The following TRPC4 variants were observed in gnomAD, a reference collection of about 807,000 sequenced individuals.
The protein encoded by TRPC4 is short transient receptor potential channel 4.
In TRPC4, 49 loss-of-function variants were observed where a neutral mutation model predicts 99.4. The ratio of observed to expected loss-of-function variants is 0.49; its 90% confidence interval spans 0.39 to 0.63. The LOEUF (loss-of-function observed/expected upper bound fraction) is 0.63, where lower values mean the gene tolerates loss of function less well. Ranked by LOEUF, TRPC4 falls within the 20% of genes least tolerant of loss-of-function variation. The pLI, the probability that TRPC4 is intolerant of heterozygous loss-of-function variation, is 0.00. For missense variants in TRPC4, 898 were observed against 1,152.9 expected (o/e 0.78, Z 3.20); for synonymous variants, 454 against 425.9 (o/e 1.07, Z -0.81).
At position 37,760,650 on chromosome 13, in the gene TRPC4, G is replaced by A. The variant is rs74047156; in HGVS notation, c.379-14195C>T. Reference sequence around the variant, plus strand: ...GGCCCACAGGCTGTATGTGGCCCAGGACAGCTTTGAATGCAGCCCAACACA... The same window carrying A: ...GGCCCACAGGCTGTATGTGGCCCAGAACAGCTTTGAATGCAGCCCAACACA... On this transcript the variant is annotated intron_variant, in intron 2 of 10. Transcript: ENST00000379705. Among the ~76,000 whole-genome samples, 1,236 of 152,020 alleles carry A rather than the reference G, an allele frequency of 8.1e-3. 19 individuals are homozygous for A. The highest frequency in any genetic ancestry group is 0.028 in the African/African-American group (1,169 of 41,508).
chr13:37,730,567 A>G (rs756947510), intron 3 of TRPC4, among the ~76,000 whole-genome samples: 1 of 151,928 alleles, frequency 6.6e-6, no homozygotes, highest in Non-Finnish European at 1.5e-5. Context: ...TTCCATTTAT[A>G]TTATCAAAGC....
chr13:37,735,708 C>G (rs1183316353), intron 3 of TRPC4, among the ~76,000 whole-genome samples: 1 of 152,122 alleles, frequency 6.6e-6, no homozygotes, highest in Admixed American at 6.6e-5. Flanking sequence ...AAGATATTAT[C>G]ATTAGCCTAA....
intron 6 of TRPC4, among the ~76,000 whole-genome samples, chr13:37,655,826 G>T (rs1393831281): frequency 6.6e-6 from 1 of 152,070 alleles, no homozygotes; most frequent in Non-Finnish European, 1.5e-5. Flanking sequence ...CCTTTTCATA[G>T]AACATTTGTC....
intron 2 of TRPC4, among the ~76,000 whole-genome samples, chr13:37,750,692 AG>A (rs1226818416): frequency 2.0e-5 from 3 of 152,118 alleles, no homozygotes; most frequent in Admixed American, 2.0e-4. Context: ...GTACATGTGC[AG>A]AATGTGCAGG....
intron 2 of TRPC4, among the ~76,000 whole-genome samples, chr13:37,769,141 T>C (rs1357906598): frequency 6.6e-6 from 1 of 151,450 alleles, no homozygotes; most frequent in Admixed American, 6.6e-5. Flanking sequence ...GTGAAAAAAC[T>C]ATAATCCACT....
intron 1 of TRPC4, among the ~76,000 whole-genome samples, chr13:37,818,594 A>G (rs1049852959): frequency 1.3e-5 from 2 of 152,212 alleles, no homozygotes; most frequent in Non-Finnish European, 2.9e-5. Flanking sequence ...AATATGGCAC[A>G]TATACACCAT....
At chr13:37,705,055 A>C (rs1405576266) in intron 3 of TRPC4, among the ~76,000 whole-genome samples, 3 of 152,232 alleles carry the variant, frequency 2.0e-5, no homozygotes, top group Non-Finnish European at 4.4e-5. Context: ...CTAACTGTCT[A>C]TCAATGTATC....
intron 3 of TRPC4, among the ~76,000 whole-genome samples, chr13:37,737,467 T>C (rs530628681): frequency 1.3e-5 from 2 of 152,200 alleles, no homozygotes; most frequent in South Asian, 4.1e-4. Flanking sequence ...TACTTATTTA[T>C]TTATTCTATT....
intron 1 of TRPC4, among the ~76,000 whole-genome samples, chr13:37,865,013 C>T (rs1538147): frequency 0.99 from 150,755 of 151,840 alleles, 74,846 homozygotes; most frequent in East Asian, 1. Context: ...TTAGTGATAA[C>T]TTTTGTAATG....
At chr13:37,830,327 T>C (rs1474230988) in intron 1 of TRPC4, among the ~76,000 whole-genome samples, 1 of 152,020 alleles carries the variant, frequency 6.6e-6, no homozygotes, top group Non-Finnish European at 1.5e-5. Context: ...TAGGAAAAAA[T>C]AAATAAAACA....
At chr13:37,835,297 A>G (rs2139610976) in intron 1 of TRPC4, among the ~76,000 whole-genome samples, 1 of 152,228 alleles carries the variant, frequency 6.6e-6, no homozygotes, top group East Asian at 1.9e-4. Context: ...GAGGGCGTTC[A>G]TTGTAAAATA....
chr13:37,824,417 G>C (rs1327201520), intron 1 of TRPC4, among the ~76,000 whole-genome samples: 1 of 151,856 alleles, frequency 6.6e-6, no homozygotes, highest in African/African-American at 2.4e-5. Flanking sequence ...GTTTGTCATA[G>C]ATAGCTCTTA....
chr13:37,711,042 G>A (rs1208947251), intron 3 of TRPC4, among the ~76,000 whole-genome samples: 1 of 151,948 alleles, frequency 6.6e-6, no homozygotes, highest in East Asian at 1.9e-4. Flanking sequence ...AAAGTCTACT[G>A]TTGTGAATAT....
chr13:37,799,764 G>T (rs1378874279), intron 1 of TRPC4, among the ~76,000 whole-genome samples: 1 of 152,158 alleles, frequency 6.6e-6, no homozygotes, highest in South Asian at 2.1e-4. Flanking sequence ...AACCCAAGAA[G>T]GTTCGATCTG....
chr13:37,679,316 A>G (rs1953159784), intron 4 of TRPC4, among the ~76,000 whole-genome samples: 1 of 152,194 alleles, frequency 6.6e-6, no homozygotes, highest in African/African-American at 2.4e-5. Context: ...TAGTGTTATA[A>G]CTTAATTTGA....
At chr13:37,680,793 G>A (rs1046650688) in intron 4 of TRPC4, among the ~76,000 whole-genome samples, 6 of 152,180 alleles carry the variant, frequency 3.9e-5, no homozygotes, top group Non-Finnish European at 8.8e-5. Context: ...TTCTAGCAGC[G>A]AGTGGAGACT....
chr13:37,647,788 G>T (rs1282265183), intron 8 of TRPC4, among the ~76,000 whole-genome samples: 1 of 152,108 alleles, frequency 6.6e-6, no homozygotes, highest in Non-Finnish European at 1.5e-5. Flanking sequence ...GTATCTCATT[G>T]TCTTTGTATG....
intron 8 of TRPC4, among the ~76,000 whole-genome samples, chr13:37,649,961 A>G (rs961470894): frequency 6.6e-6 from 1 of 152,106 alleles, no homozygotes; most frequent in Non-Finnish European, 1.5e-5. Flanking sequence ...AGTCCCCCAA[A>G]TCTATGGGTA....
At chr13:37,842,343 C>CA (rs57428116) in intron 1 of TRPC4, among the ~76,000 whole-genome samples, 2,525 of 15,530 alleles carry the variant, frequency 0.16, 256 homozygotes, top group Admixed American at 0.23. Context: ...AGCGTCTAGC[C>CA]AAAAAAAAAA....
Sources: allele counts gnomAD v4.1 joint callset (sites outside exome capture counted in the v4.1 genomes callset), GRCh38; gene constraint gnomAD v4.1.1; transcripts MANE v1.5; gene names NCBI Gene and HGNC (gene_info 2026-07-23, HGNC 2026-07-21).